Variants in CACNA1A observed in about 807,000 individuals in gnomAD.
CACNA1A encodes the protein calcium voltage-gated channel subunit alpha1 A.
A neutral mutation model predicts 262.4 loss-of-function variants in CACNA1A; 57 were observed. The observed-to-expected ratio is 0.22, with a 90% confidence interval of 0.18 to 0.27. The LOEUF (loss-of-function observed/expected upper bound fraction) is 0.27, where lower values mean the gene tolerates loss of function less well. Among genes scored for constraint, CACNA1A ranks in the 10% least tolerant of loss-of-function variants. The pLI is 1.00. For synonymous variants in CACNA1A, 1,431 were observed against 1,419.3 expected, an observed-to-expected ratio of 1.01 and a Z score of -0.18; for missense variants, 2,526 against 3,562.8, an observed-to-expected ratio of 0.71 and a Z score of 7.41.
Position 13,427,369 on chromosome 19 carries a change from T to G in CACNA1A, c.539+25507A>C, listed in dbSNP as rs142659523. ...CAGGAGGCTGAGGCAGGAGAATCAC[T>G]TGAACCCAGGAGGCGGAGGTTGCAG... is the stretch of plus-strand genomic sequence containing the variant. On this transcript the variant is annotated intron_variant, in intron 3 of 46. Transcript: ENST00000360228. 4.0e-3 allele frequency among the ~76,000 whole-genome samples: 607 copies of G among 152,022 alleles called. 3 individuals carry two copies. The highest frequency in any genetic ancestry group is 0.014 in the African/African-American group (587 of 41,444).
chr19:13,228,718 G>A lies in CACNA1A; in HGVS notation c.5529-1191C>T, dbSNP rs370745220. 3 of 1,597,428 alleles carry A rather than the reference G, an allele frequency of 1.9e-6. No individual in the cohort carries two copies. Among genetic ancestry groups the A allele is most frequent in the African/African-American group, 2.7e-5 (2 of 73,940 alleles). On this transcript the variant is annotated intron_variant, in intron 36 of 46. Coordinates refer to ENST00000360228, the MANE Select transcript of CACNA1A (RefSeq NM_001127222.2). Reference sequence around the variant, plus strand: ...TCAAACCTTGCAAGCAACCCTATGAGGACATTTCTTGCCTAAGCCGAGAGG... The same window carrying A: ...TCAAACCTTGCAAGCAACCCTATGAAGACATTTCTTGCCTAAGCCGAGAGG...
chr19:13,502,333 T>A (rs7256450), intron 1 of CACNA1A, among the ~76,000 whole-genome samples: 110,343 of 152,082 alleles, frequency 0.73, 41,025 homozygotes, highest in African/African-American at 0.9. Context: ...GATAATACAC[T>A]GACCTGCTTC....
intron 3 of CACNA1A, among the ~76,000 whole-genome samples, chr19:13,436,508 A>C (rs975686867): frequency 3.3e-5 from 5 of 152,108 alleles, no homozygotes; most frequent in African/African-American, 7.2e-5. Flanking sequence ...TTCATTCATT[A>C]ATTCACTCAT....
intron 30 of CACNA1A, among the ~76,000 whole-genome samples, chr19:13,246,588 G>C (rs1364378315): frequency 6.6e-6 from 1 of 152,044 alleles, no homozygotes; most frequent in Admixed American, 6.5e-5. Flanking sequence ...TTCCTGGGCT[G>C]GGTGCTGGCT....
intron 38 of CACNA1A, among the ~76,000 whole-genome samples, chr19:13,220,824 C>CTA (rs2055192418): frequency 6.6e-6 from 1 of 152,160 alleles, no homozygotes; most frequent in South Asian, 2.1e-4. Flanking sequence ...TGGGGTCTCT[C>CTA]TGTGTTGGCC....
At chr19:13,476,779 AT>A (rs556546950) in intron 1 of CACNA1A, among the ~76,000 whole-genome samples, 43 of 152,278 alleles carry the variant, frequency 2.8e-4, no homozygotes, top group African/African-American at 1.0e-3. Flanking sequence ...GCCACTCATT[AT>A]TATCTCCACA....
intron 1 of CACNA1A, among the ~76,000 whole-genome samples, chr19:13,487,549 T>A (rs570719189): frequency 1.3e-5 from 2 of 152,134 alleles, no homozygotes; most frequent in South Asian, 4.2e-4. Context: ...TTTTGGGGTC[T>A]TTGAACTACA....
Position 13,210,964 on chromosome 19 carries a change from C to T in CACNA1A, c.6304-312G>A, listed in dbSNP as rs894504542. On this transcript the variant is annotated intron_variant, in intron 43 of 46. Transcript: ENST00000360228. ...AAGACAGGACGGCGCAGCCTCGAGC[C>T]CCTGGCCCTGGGCTCTGCCTCATGC... is the stretch of plus-strand genomic sequence containing the variant. 9 of 465,058 alleles carry T rather than the reference C, an allele frequency of 1.9e-5. No homozygotes were observed. The East Asian group carries it at 2.6e-4, about 14-fold the overall frequency. The allele number at this position is 465,058 out of a possible 1,614,324, so 28.8% of individuals were successfully genotyped here.
At chr19:13,209,611 A>C in intron 44 of CACNA1A, 113 bp from the exon 45 acceptor site, 1 of 768,112 alleles carries the variant, frequency 1.3e-6, no homozygotes, top group Non-Finnish European at 1.8e-6. Context: ...CTGCGGTGTG[A>C]CCATCCTGGG....
intron 5 of CACNA1A, among the ~76,000 whole-genome samples, chr19:13,360,767 G>C (rs934918456): frequency 6.6e-6 from 1 of 152,152 alleles, no homozygotes; most frequent in Non-Finnish European, 1.5e-5. Flanking sequence ...GTGAGCCACT[G>C]CACCCAGCCT....
chr19:13,492,927 G>A (rs762174240), intron 1 of CACNA1A, among the ~76,000 whole-genome samples: 17 of 152,086 alleles, frequency 1.1e-4, no homozygotes, highest in Non-Finnish European at 1.8e-4. Context: ...GTTCCTAAGG[G>A]TGTGGGGATC....
chr19:13,325,196 C>CTT (rs201773357), intron 10 of CACNA1A, among the ~76,000 whole-genome samples: 9,312 of 127,988 alleles, frequency 0.073, 530 homozygotes, highest in African/African-American at 0.14. Context: ...TCTTCTTCTT[C>CTT]TTTTTTTTTT....
intron 17 of CACNA1A, among the ~76,000 whole-genome samples, chr19:13,301,407 C>T (rs1160901368): frequency 6.6e-6 from 1 of 152,218 alleles, no homozygotes; most frequent in Non-Finnish European, 1.5e-5. Context: ...CCCTGCCATG[C>T]ACTGTCAACA....
At position 13,425,380 on chromosome 19, in the gene CACNA1A, G is replaced by A. The variant is rs531692004; in HGVS notation, c.539+27496C>T. ...TTTTATGGCCTCCTAGGGAGCAGGGGTGGGGCAAAGTCCAGGGTACACACG... is the reference window on the plus strand; with the variant it reads ...TTTTATGGCCTCCTAGGGAGCAGGGATGGGGCAAAGTCCAGGGTACACACG... On this transcript the variant is annotated intron_variant, in intron 3 of 46. Transcript: ENST00000360228. Among the ~76,000 whole-genome samples the A allele has an allele frequency of 2.1e-4, 32 of 152,238 alleles. No individual in the cohort carries two copies. The East Asian group carries it at 4.8e-3, about 23-fold the overall frequency.
At chr19:13,266,216 T>A (rs2056858020) in intron 24 of CACNA1A, among the ~76,000 whole-genome samples, 1 of 147,676 alleles carries the variant, frequency 6.8e-6, no homozygotes, top group Non-Finnish European at 1.5e-5. Flanking sequence ...TATAGTTTCC[T>A]TTTTTTTTAT....
At chr19:13,404,197 C>A (rs1489908597) in intron 3 of CACNA1A, among the ~76,000 whole-genome samples, 1 of 152,096 alleles carries the variant, frequency 6.6e-6, no homozygotes, top group Non-Finnish European at 1.5e-5. Flanking sequence ...TATACACACA[C>A]ACACACACAG....
At chr19:13,370,080 AC>A (rs2059291841) in intron 4 of CACNA1A, among the ~76,000 whole-genome samples, 1 of 152,098 alleles carries the variant, frequency 6.6e-6, no homozygotes, top group Admixed American at 6.6e-5. Context: ...AATGTCTGGC[AC>A]ATAGTAAGTG....
At chr19:13,279,927 G>C (rs1032705673) in intron 22 of CACNA1A, among the ~76,000 whole-genome samples, 1 of 151,950 alleles carries the variant, frequency 6.6e-6, no homozygotes, top group Non-Finnish European at 1.5e-5. Flanking sequence ...TTGTGCTTCA[G>C]CCTCCCGAGT....
intron 1 of CACNA1A, among the ~76,000 whole-genome samples, chr19:13,485,238 T>C (rs79951132): frequency 0.022 from 3,387 of 152,086 alleles, 102 homozygotes; most frequent in African/African-American, 0.077. Context: ...TAAAAATCAA[T>C]CCCAAGCTGA....
Sources: allele counts gnomAD v4.1 joint callset (sites outside exome capture counted in the v4.1 genomes callset), GRCh38; gene constraint gnomAD v4.1.1; transcripts MANE v1.5; gene names NCBI Gene and HGNC (gene_info 2026-07-23, HGNC 2026-07-21).